Variants in KANK1 observed in about 807,000 individuals in gnomAD.
KANK1 encodes KN motif and ankyrin repeat domains 1, also known as KN motif and ankyrin repeat domain-containing protein 1.
Under a neutral mutation model 106.2 loss-of-function variants are expected in KANK1, and 109 were observed. The observed-to-expected ratio is 1.03, with a 90% CI of 0.88 to 1.20. The LOEUF (loss-of-function observed/expected upper bound fraction) is 1.20, where lower values mean the gene tolerates loss of function less well. Ranked by LOEUF, KANK1 falls within the 50% of genes most tolerant of loss-of-function variation. The pLI, the probability that KANK1 is intolerant of heterozygous loss-of-function variation, is 0.00. For synonymous variants in KANK1, 873 were observed against 652.2 expected, an observed-to-expected ratio of 1.34 and a Z score of -5.16; for missense variants, 2,399 against 1,710.7, an observed-to-expected ratio of 1.40 and a Z score of -7.10.
At chr9:641,897 G>T (rs531336192) in intron 1 of KANK1, among the ~76,000 whole-genome samples, 1 of 151,988 alleles carries the variant, frequency 6.6e-6, no homozygotes, top group Non-Finnish European at 1.5e-5. Context: ...TAACATAATC[G>T]TGTAACCATT....
intron 1 of KANK1, among the ~76,000 whole-genome samples, chr9:583,553 C>T (rs1822696313): frequency 1.3e-5 from 2 of 151,874 alleles, no homozygotes; most frequent in Non-Finnish European, 2.9e-5. Context: ...ATGAAGGATC[C>T]CTCAGTATCC....
chr9:572,013 CCAACTTTG>C (rs1283437819), intron 1 of KANK1, among the ~76,000 whole-genome samples: 1 of 152,060 alleles, frequency 6.6e-6, no homozygotes, highest in Non-Finnish European at 1.5e-5. Flanking sequence ...TTTCTGCCGT[CCAACTTTG>C]GAGGTTGCTG....
At chr9:656,879 C>CT (rs200747803) in intron 1 of KANK1, among the ~76,000 whole-genome samples, 2 of 151,238 alleles carry the variant, frequency 1.3e-5, no homozygotes, top group African/African-American at 2.4e-5. Context: ...TACTTTTTTC[C>CT]TTTTTTTTTA....
chr9:592,356 A>G (rs1272449117), intron 1 of KANK1, among the ~76,000 whole-genome samples: 2 of 151,820 alleles, frequency 1.3e-5, no homozygotes, highest in Admixed American at 6.5e-5. Flanking sequence ...AGGGGGAACC[A>G]TGTTAATTAC....
chr9:735,296 A>G (rs950424150), intron 7 of KANK1, among the ~76,000 whole-genome samples: 6 of 152,178 alleles, frequency 3.9e-5, no homozygotes, highest in African/African-American at 7.2e-5. Context: ...CTGATGTGGA[A>G]TGCAGGCGGC....
intron 7 of KANK1, among the ~76,000 whole-genome samples, chr9:737,117 T>G (rs562854337): frequency 1.3e-5 from 2 of 152,296 alleles, no homozygotes; most frequent in South Asian, 4.1e-4. Flanking sequence ...GATAATCATG[T>G]CAGGACACCA....
chr9:645,067 T>C (rs946662963), intron 1 of KANK1, among the ~76,000 whole-genome samples: 4 of 133,222 alleles, frequency 3.0e-5, no homozygotes, highest in Non-Finnish European at 6.0e-5. Context: ...GAGGTTGCAG[T>C]GAGCGGAGAT....
intron 1 of KANK1, among the ~76,000 whole-genome samples, chr9:529,375 A>G (rs1434398188): frequency 6.7e-6 from 1 of 148,912 alleles, no homozygotes; most frequent in Non-Finnish European, 1.5e-5. Context: ...TAATTTTTGT[A>G]TTTTCAGTAG....
intron 1 of KANK1, among the ~76,000 whole-genome samples, chr9:514,214 CCCTCCCTT>C (rs2059176159): frequency 1.1e-5 from 1 of 87,620 alleles, no homozygotes; most frequent in Non-Finnish European, 2.0e-5. Flanking sequence ...CTCTCTCCCT[CCCTCCCTT>C]CCTCCCTCCC....
chr9:503,645 C>A (rs145406410), upstream of KANK1, among the ~76,000 whole-genome samples: 1,001 of 152,254 alleles, frequency 6.6e-3, 7 homozygotes, highest in African/African-American at 0.023. Flanking sequence ...AGGACTCTCT[C>A]CCTTAAGAAA....
chr9:556,519 C>T (rs1179836836), intron 1 of KANK1, among the ~76,000 whole-genome samples: 2 of 152,144 alleles, frequency 1.3e-5, no homozygotes, highest in African/African-American at 4.8e-5. Context: ...GCTTATGAAA[C>T]TAAAATTTGA....
At chr9:487,879 G>A (rs536962607) in intron 3 of KANK1, 1 of 152,272 alleles carries the variant, frequency 6.6e-6, no homozygotes, top group East Asian at 1.9e-4. Context: ...ACCCCTAAGA[G>A]TCTAAGACAC....
intron 1 of KANK1, among the ~76,000 whole-genome samples, chr9:543,035 C>T (rs1373309450): frequency 1.3e-5 from 2 of 152,174 alleles, no homozygotes; most frequent in East Asian, 3.8e-4. Context: ...CAAATGTTCT[C>T]ACCACAAATA....
intron 1 of KANK1, among the ~76,000 whole-genome samples, chr9:578,811 T>G (rs1215385729): frequency 2.0e-5 from 3 of 152,190 alleles, no homozygotes; most frequent in African/African-American, 4.8e-5. Flanking sequence ...TACATAATCA[T>G]TTTCTCCCAC....
At chr9:687,179 T>C (rs2139304780) in intron 2 of KANK1, among the ~76,000 whole-genome samples, 1 of 152,298 alleles carries the variant, frequency 6.6e-6, no homozygotes, top group East Asian at 1.9e-4. Flanking sequence ...CAGATGTATT[T>C]GGCAGAATAC....
At chr9:681,831 A>G (rs1003896875) in intron 2 of KANK1, among the ~76,000 whole-genome samples, 5 of 152,134 alleles carry the variant, frequency 3.3e-5, no homozygotes, top group African/African-American at 1.2e-4. Flanking sequence ...GTGACTTTTT[A>G]TGCCTGCTCT....
chr9:557,207 A>T (rs1002795827), intron 1 of KANK1, among the ~76,000 whole-genome samples: 6 of 150,478 alleles, frequency 4.0e-5, no homozygotes, highest in African/African-American at 1.5e-4. Context: ...AAAAAAAAAA[A>T]ATTTATTCAT....
In KANK1 at chr9:713,198, C is replaced by A. The variant is rs763138872; in HGVS notation, c.2432C>A (p.Pro811His). 6.3e-7 allele frequency: 1 copy of A among 1,586,534 alleles called. No homozygotes were observed. Among genetic ancestry groups the A allele is most frequent in the Middle Eastern group, 1.7e-4 (1 of 5,902 alleles). Residue 811 changes from proline (P) to histidine (H), a missense_variant, in exon 3 of 12, where the codon CCC becomes CAC. Pro to His is a moderately conservative substitution (Grantham distance 77, BLOSUM62 -2). Coordinates refer to ENST00000382297, the MANE Select transcript of KANK1 (RefSeq NM_015158.5). The stretch of plus-strand genomic sequence containing the variant: ...CCTGTAGGGGAATCTCTGGAGAACC[C>A]CCAGCCTCAAGCTCCACTTGGAATG... Reference protein sequence around the residue: ...DDPVGESLENPQPQAPLGMMT... With the variant: ...DDPVGESLENHQPQAPLGMMT...
intron 1 of KANK1, among the ~76,000 whole-genome samples, chr9:528,294 A>G (rs1313670814): frequency 2.0e-5 from 3 of 151,888 alleles, no homozygotes; most frequent in Middle Eastern, 3.4e-3. Context: ...ATATTTAGAT[A>G]ACTTTCCCTC....
Sources: gnomAD v4.1 joint callset for allele counts (sites outside exome capture counted in the v4.1 genomes callset) on GRCh38, gnomAD v4.1.1 for gene constraint, MANE v1.5 for transcripts, NCBI Gene and HGNC (gene_info 2026-07-23, HGNC 2026-07-21) for gene names.